CNTNAP2: variants seen among roughly 807,000 people sequenced by gnomAD.
CNTNAP2 encodes the protein contactin-associated protein-like 2.
CNTNAP2 carries 98 observed loss-of-function variants against 155.2 expected under a neutral mutation model. The observed-to-expected ratio is 0.63, with a 90% confidence interval of 0.54 to 0.75. The LOEUF (loss-of-function observed/expected upper bound fraction) is 0.75, where lower values mean the gene tolerates loss of function less well. CNTNAP2 is among the 30% of genes least tolerant of loss of function. CNTNAP2 has a pLI of 0.00. For synonymous variants in CNTNAP2, 651 were observed against 631.2 expected (o/e 1.03, Z -0.47); for missense variants, 1,727 against 1,688.1 (o/e 1.02, Z -0.40).
In CNTNAP2 at chr7:147,519,553, T is replaced by A. The variant is rs557745910; in HGVS notation, c.1777+33512T>A. Reference sequence around the variant, plus strand: ...CTACCTCAAACCTCAAATTGTATTCTGTGATTATTTTTCAAAGGAATAAAC... The same window carrying A: ...CTACCTCAAACCTCAAATTGTATTCAGTGATTATTTTTCAAAGGAATAAAC... On this transcript the variant is annotated intron_variant, in intron 11 of 23. Transcript: ENST00000361727. Among the ~76,000 whole-genome samples the A allele has an allele frequency of 9.8e-5, 15 of 152,340 alleles. No individual in the cohort carries two copies. The East Asian group carries it at 2.7e-3, about 27-fold the overall frequency.
At chr7:147,318,676 C>A (rs771407101) in intron 9 of CNTNAP2, among the ~76,000 whole-genome samples, 1 of 150,968 alleles carries the variant, frequency 6.6e-6, no homozygotes. Context: ...AGGTGGGGGG[C>A]AAGGGGAGGG....
intron 13 of CNTNAP2, among the ~76,000 whole-genome samples, chr7:147,668,355 C>A (rs1795733648): frequency 1.3e-5 from 2 of 152,142 alleles, no homozygotes; most frequent in African/African-American, 4.8e-5. Context: ...AGAAACCCAG[C>A]AAAACTTCAT....
intron 21 of CNTNAP2, among the ~76,000 whole-genome samples, chr7:148,375,549 TG>T (rs998970819): frequency 6.7e-6 from 1 of 150,200 alleles, no homozygotes; most frequent in Non-Finnish European, 1.5e-5. Flanking sequence ...TTAGTAGAGA[TG>T]GGGTTTCACC....
rs948635195 is a variant in CNTNAP2, at chr7:148,030,428, G to T, written c.2383+52439G>T. ...TATGGAGTTAAAGAAAAGTTTGATT[G>T]TCTTTAATAGTTGCAGTTATCTACC... On this transcript the variant is annotated intron_variant, in intron 15 of 23. Transcript: ENST00000361727. 4.7e-4 allele frequency among the ~76,000 whole-genome samples: 71 copies of T among 152,098 alleles called. 1 individual carries two copies. The highest frequency in any genetic ancestry group is 7.1e-4 in the Non-Finnish European group (48 of 68,012).
At chr7:147,613,843 C>T (rs1215728274) in intron 12 of CNTNAP2, among the ~76,000 whole-genome samples, 2 of 151,850 alleles carry the variant, frequency 1.3e-5, no homozygotes, top group African/African-American at 4.8e-5. Flanking sequence ...ACTCCGTTTC[C>T]AATAAAAAAA....
intron 23 of CNTNAP2, among the ~76,000 whole-genome samples, chr7:148,412,276 G>C (rs1413675841): frequency 6.6e-6 from 1 of 152,164 alleles, no homozygotes; most frequent in Non-Finnish European, 1.5e-5. Flanking sequence ...AATAAACAAT[G>C]TAAGTTCTCT....
In CNTNAP2 at chr7:147,524,785, A is replaced by T. The variant is rs146419604; in HGVS notation, c.1778-37353A>T. ...TCCACAGTGAGTCCCCAGGAGAGGG[A>T]CCAGAGAATGGAGTAAAAACAAAGG... On this transcript the variant is annotated intron_variant, in intron 11 of 23. Coordinates refer to ENST00000361727, the MANE Select transcript of CNTNAP2 (RefSeq NM_014141.6). Among the ~76,000 whole-genome samples the T allele has an allele frequency of 4.9e-4, 75 of 152,284 alleles. 1 individual carries two copies. Among genetic ancestry groups the T allele is most frequent in the African/African-American group, 1.5e-3 (62 of 41,562 alleles).
rs544262010 is a variant in CNTNAP2, at chr7:147,789,522, C to T, written c.2099-114043C>T. 4.6e-5 allele frequency among the ~76,000 whole-genome samples: 7 copies of T among 152,340 alleles called. No individual in the cohort carries two copies. The South Asian group carries it at 1.5e-3, about 32-fold the overall frequency. The stretch of plus-strand genomic sequence containing the variant: ...ACATCCAGCCACACAGGTGAATGTA[C>T]TGACAGCTTCCAAGCTCTTACCTTT... On this transcript the variant is annotated intron_variant, in intron 13 of 23. Coordinates refer to ENST00000361727, the MANE Select transcript of CNTNAP2 (RefSeq NM_014141.6).
At chr7:147,821,537 A>G (rs903392330) in intron 13 of CNTNAP2, among the ~76,000 whole-genome samples, 1 of 152,202 alleles carries the variant, frequency 6.6e-6, no homozygotes. Flanking sequence ...TAACATAAAC[A>G]TGACAGAAAG....
At chr7:147,441,873 C>A (rs1317260499) in intron 10 of CNTNAP2, among the ~76,000 whole-genome samples, 1 of 147,480 alleles carries the variant, frequency 6.8e-6, no homozygotes, top group African/African-American at 2.5e-5. Flanking sequence ...CCCTCCCTCC[C>A]TCCCTCCGTC....
At chr7:147,666,331 T>C (rs1044091460) in intron 13 of CNTNAP2, among the ~76,000 whole-genome samples, 2 of 152,160 alleles carry the variant, frequency 1.3e-5, no homozygotes, top group Non-Finnish European at 2.9e-5. Flanking sequence ...ACAATGGAAC[T>C]GAAAAATTCT....
At chr7:147,890,344 C>G (rs1799669498) in intron 13 of CNTNAP2, among the ~76,000 whole-genome samples, 2 of 152,154 alleles carry the variant, frequency 1.3e-5, no homozygotes, top group South Asian at 4.1e-4. Flanking sequence ...ATCCAAGCAT[C>G]CATCTTAAGA....
chr7:146,774,281 T>C lies in CNTNAP2; in HGVS notation c.108T>C (p.Asp36=). 1.2e-6 allele frequency: 2 copies of C among 1,613,438 alleles called. No homozygotes were observed. Among genetic ancestry groups the C allele is most frequent in the Non-Finnish European group, 1.7e-6 (2 of 1,179,546 alleles). The change falls in exon 2 of 24, where the codon GAT becomes GAC. Residue 36 remains aspartate (D), a synonymous_variant. Coordinates refer to ENST00000361727, the MANE Select transcript of CNTNAP2 (RefSeq NM_014141.6). The part of the protein sequence containing the change: ...WTAPSTSQKC[D]EPLVSGLPHV... The stretch of plus-strand genomic sequence containing the variant: ...GTCTTTTGTTTTCAGAAAAATGTGA[T>C]GAGCCACTTGTCTCTGGACTCCCCC...
At chr7:147,699,928 A>T (rs936534494) in intron 13 of CNTNAP2, among the ~76,000 whole-genome samples, 9 of 152,204 alleles carry the variant, frequency 5.9e-5, no homozygotes, top group Non-Finnish European at 1.3e-4. Context: ...AAATGGAATC[A>T]CACAATATGT....
intron 10 of CNTNAP2, among the ~76,000 whole-genome samples, chr7:147,451,025 C>T (rs1797824013): frequency 6.6e-6 from 1 of 152,246 alleles, no homozygotes. Context: ...GCTCCTGCCT[C>T]TTTGCCTTGG....
At chr7:147,446,126 T>TC (rs202183330) in intron 10 of CNTNAP2, among the ~76,000 whole-genome samples, 50 of 65,352 alleles carry the variant, frequency 7.7e-4, no homozygotes, top group Admixed American at 1.2e-3. Flanking sequence ...TTTCTTTCTT[T>TC]TTTTTTTTTT....
chr7:148,302,228 G>C (rs758332021), intron 21 of CNTNAP2, among the ~76,000 whole-genome samples: 1 of 152,168 alleles, frequency 6.6e-6, no homozygotes, highest in Non-Finnish European at 1.5e-5. Context: ...TAGCAGTAGG[G>C]TATATAATGA....
At chr7:148,409,253 A>T in intron 22 of CNTNAP2, 138 bp from the exon 23 acceptor site, 1 of 716,520 alleles carries the variant, frequency 1.4e-6, no homozygotes, top group Non-Finnish European at 2.5e-6. Flanking sequence ...AGACAATGGC[A>T]AGACGGGTCC....
rs369757299 is a variant in CNTNAP2 at position 148,251,516 on chromosome 7, G to T, written c.3382-15517G>T. On this transcript the variant is annotated intron_variant, in intron 20 of 23. Coordinates refer to ENST00000361727, the MANE Select transcript of CNTNAP2 (RefSeq NM_014141.6). Reference sequence around the variant, plus strand: ...ACAGGCTTGGTTGATTGAATCATTGGCCACAAAGGTGAACTCAATCTCCAG... The same window carrying T: ...ACAGGCTTGGTTGATTGAATCATTGTCCACAAAGGTGAACTCAATCTCCAG... 6.9e-4 allele frequency among the ~76,000 whole-genome samples: 105 copies of T among 152,238 alleles called. 3 individuals carry two copies. In the South Asian group the frequency reaches 0.021, roughly 30 times the overall value.
Sources: allele counts gnomAD v4.1 joint callset (sites outside exome capture counted in the v4.1 genomes callset), GRCh38; gene constraint gnomAD v4.1.1; transcripts MANE v1.5; gene names NCBI Gene and HGNC (gene_info 2026-07-23, HGNC 2026-07-21).